Variants in FAR2 observed in about 807,000 individuals in gnomAD.
FAR2 encodes the protein fatty acyl-CoA reductase 2.
In FAR2, 19 loss-of-function variants were observed where a neutral mutation model predicts 56.0. That is an observed-to-expected ratio of 0.34 (90% CI 0.24 to 0.50). FAR2 has a LOEUF of 0.50. Ranked by LOEUF, FAR2 falls within the 20% of genes least tolerant of loss-of-function variation. The pLI, the probability that FAR2 is intolerant of heterozygous loss-of-function variation, is 0.98. For missense variants in FAR2, 508 were observed against 642.2 expected, an observed-to-expected ratio of 0.79 and a Z score of 2.26; for synonymous variants, 219 against 218.8, an observed-to-expected ratio of 1.00 and a Z score of -0.01.
At chr12:29,263,483 C>A (rs184882655) in intron 1 of FAR2, among the ~76,000 whole-genome samples, 143 of 151,922 alleles carry the variant, frequency 9.4e-4, no homozygotes, top group African/African-American at 3.3e-3. Context: ...AAGTAGAAGT[C>A]AACAACAAGA....
At chr12:29,210,622 A>C (rs1947533706) in intron 1 of FAR2, among the ~76,000 whole-genome samples, 1 of 152,268 alleles carries the variant, frequency 6.6e-6, no homozygotes, top group Admixed American at 6.5e-5. Context: ...CAGTTGGCAG[A>C]GGACTAAGCT....
At chr12:29,264,052 A>C (rs1948470119) in intron 1 of FAR2, among the ~76,000 whole-genome samples, 1 of 152,156 alleles carries the variant, frequency 6.6e-6, no homozygotes, top group East Asian at 1.9e-4. Flanking sequence ...TCCCTGATGA[A>C]CACTGAGGCA....
rs143632672 is a variant in FAR2 at position 29,207,827 on chromosome 12, A to C, written c.-39+58420A>C. Among the ~76,000 whole-genome samples, 221 of 152,308 alleles carry C rather than the reference A, an allele frequency of 1.5e-3. 1 individual carries two copies. The South Asian group carries it at 0.021, about 15-fold the overall frequency. ...ATAAAATTCTGTTAGACCTTTAAAG[A>C]AAATAAATTTCACACTACTGTCCTA... On this transcript the variant is annotated intron_variant, in intron 1 of 11. Coordinates refer to ENST00000536681, the MANE Select transcript of FAR2 (RefSeq NM_001271783.2).
chr12:29,253,243 A>ATATATCTATATC lies in FAR2; in HGVS notation c.-38-17163_-38-17162insTATATCTATATC, dbSNP rs1565489335. 3.8e-5 allele frequency among the ~76,000 whole-genome samples: 3 copies of ATATATCTATATC among 79,344 alleles called. 1 individual carries two copies. Among genetic ancestry groups the ATATATCTATATC allele is most frequent in the East Asian group, 7.9e-4 (2 of 2,530 alleles). 52.1% of individuals were successfully genotyped at this position (79,344 alleles called of 152,430 possible). ...TCGATATCTATCTAGATAGATATCT[A>ATATATCTATATC]TATATCGATATCTATCTAGATAGAT... On this transcript the variant is annotated intron_variant, in intron 1 of 11. Transcript: ENST00000536681.
In FAR2 at chr12:29,334,932, C is replaced by T. The variant is rs1325595736; in HGVS notation, c.*1138C>T. On this transcript the variant is annotated 3_prime_UTR_variant, in exon 12 of 12. Transcript: ENST00000536681. ...ATAATACAAACTAATGAAAACTATACATATTCTCCAATTCCTATAGTAATA... is the reference window on the plus strand; with the variant it reads ...ATAATACAAACTAATGAAAACTATATATATTCTCCAATTCCTATAGTAATA... The T allele has an allele frequency of 6.6e-6, 1 of 152,130 alleles. No individual in the cohort carries two copies. The highest frequency in any genetic ancestry group is 1.5e-5 in the Non-Finnish European group (1 of 68,012). 9.4% of individuals were successfully genotyped at this position (152,130 alleles called of 1,614,324 possible).
chr12:29,212,612 A>G (rs1418667373), intron 1 of FAR2, among the ~76,000 whole-genome samples: 1 of 152,212 alleles, frequency 6.6e-6, no homozygotes, highest in African/African-American at 2.4e-5. Flanking sequence ...CCCAGACCTG[A>G]GTTTCCACCA....
intron 2 of FAR2, among the ~76,000 whole-genome samples, chr12:29,275,320 A>C (rs1291008956): frequency 6.6e-6 from 1 of 151,988 alleles, no homozygotes; most frequent in Non-Finnish European, 1.5e-5. Flanking sequence ...ATTTCACAAG[A>C]CGATGTCATC....
At chr12:29,246,374 T>C (rs1948128429) in intron 1 of FAR2, among the ~76,000 whole-genome samples, 1 of 152,206 alleles carries the variant, frequency 6.6e-6, no homozygotes, top group Non-Finnish European at 1.5e-5. Context: ...TCACCTCTTC[T>C]AATTTCACCT....
rs1947637233 is a variant in FAR2, at chr12:29,217,504, T to C, written c.-38-52908T>C. ...GCAGAGAGAGATTTCCATTAACTCC[T>C]GGTGCTTAAAATCCAAAGTCAAGCT... is the stretch of plus-strand genomic sequence containing the variant. On this transcript the variant is annotated intron_variant, in intron 1 of 11. Coordinates refer to ENST00000536681, the MANE Select transcript of FAR2 (RefSeq NM_001271783.2). Among the ~76,000 whole-genome samples the C allele has an allele frequency of 2.0e-5, 3 of 152,218 alleles. No homozygotes were observed. In the South Asian group the frequency reaches 6.2e-4, roughly 31 times the overall value.
intron 1 of FAR2, among the ~76,000 whole-genome samples, chr12:29,173,473 A>G (rs1429154255): frequency 6.6e-6 from 1 of 152,170 alleles, no homozygotes; most frequent in Non-Finnish European, 1.5e-5. Flanking sequence ...GCTTGGACAT[A>G]AGGTATTTCA....
At chr12:29,187,039 C>T (rs918766074) in intron 1 of FAR2, among the ~76,000 whole-genome samples, 13 of 152,076 alleles carry the variant, frequency 8.5e-5, no homozygotes, top group African/African-American at 3.1e-4. Context: ...CCGCCCACCT[C>T]GGCCTCCCAA....
chr12:29,191,022 A>G (rs995041262), intron 1 of FAR2, among the ~76,000 whole-genome samples: 1 of 152,022 alleles, frequency 6.6e-6, no homozygotes, highest in Non-Finnish European at 1.5e-5. Context: ...CCCTGTCCTC[A>G]TTTCCCTCCC....
chr12:29,282,879 G>A (rs1339184799), intron 2 of FAR2, among the ~76,000 whole-genome samples: 1 of 152,038 alleles, frequency 6.6e-6, no homozygotes, highest in African/African-American at 2.4e-5. Flanking sequence ...AATCGAAAAA[G>A]AAGATTAATT....
chr12:29,218,427 G>A (rs1186235047), intron 1 of FAR2, among the ~76,000 whole-genome samples: 1 of 151,764 alleles, frequency 6.6e-6, no homozygotes, highest in Admixed American at 6.6e-5. Flanking sequence ...GAACTTGAAG[G>A]TGTATTAATA....
rs1470541253 is a variant in FAR2 at position 29,332,733 on chromosome 12, T to C, written c.1385+6T>C. The C allele has an allele frequency of 6.2e-7, 1 of 1,611,188 alleles. No individual in the cohort carries two copies. The highest frequency in any genetic ancestry group is 2.2e-5 in the East Asian group (1 of 44,764). ...GCAAAGCAACGCTTAAAAAGGTAAG[T>C]ATAATCAGTCAGTTAATATTTATTG... On this transcript the variant is annotated splice_donor_region_variant and intron_variant, in intron 11 of 11. Coordinates refer to ENST00000536681, the MANE Select transcript of FAR2 (RefSeq NM_001271783.2).
intron 1 of FAR2, among the ~76,000 whole-genome samples, chr12:29,216,274 A>G (rs1947620411): frequency 6.6e-6 from 1 of 152,168 alleles, no homozygotes. Context: ...CTTATTTACA[A>G]CGTCCCACCC....
At chr12:29,230,896 G>C (rs1591872511) in intron 1 of FAR2, among the ~76,000 whole-genome samples, 1 of 152,186 alleles carries the variant, frequency 6.6e-6, no homozygotes, top group East Asian at 1.9e-4. Flanking sequence ...ATGCCTTTTA[G>C]ATATCCCAAG....
At chr12:29,179,071 T>C (rs577796419) in intron 1 of FAR2, among the ~76,000 whole-genome samples, 9 of 152,282 alleles carry the variant, frequency 5.9e-5, no homozygotes, top group African/African-American at 2.2e-4. Context: ...GCAGGTTTCC[T>C]CTACTTATAA....
intron 1 of FAR2, among the ~76,000 whole-genome samples, chr12:29,185,705 T>C (rs1950034757): frequency 6.6e-6 from 1 of 152,206 alleles, no homozygotes; most frequent in African/African-American, 2.4e-5. Flanking sequence ...GGGATAATAT[T>C]GCCCCACTGT....
Sources: allele counts gnomAD v4.1 joint callset (sites outside exome capture counted in the v4.1 genomes callset), GRCh38; gene constraint gnomAD v4.1.1; transcripts MANE v1.5; gene names NCBI Gene and HGNC (gene_info 2026-07-23, HGNC 2026-07-21).